Variants in PRICKLE2 observed in about 807,000 individuals in gnomAD.
PRICKLE2 encodes the protein prickle planar cell polarity protein 2, also known as prickle-like protein 2.
PRICKLE2 carries 21 observed loss-of-function variants against 81.4 expected under a neutral mutation model. The observed-to-expected ratio is 0.26, with a 90% CI of 0.18 to 0.37. PRICKLE2 has a LOEUF of 0.37. PRICKLE2 is among the 10% of genes least tolerant of loss of function. The pLI is 1.00. For synonymous variants in PRICKLE2, 456 were observed against 421.5 expected, an observed-to-expected ratio of 1.08 and a Z score of -1.00; for missense variants, 940 against 1,109.0, an observed-to-expected ratio of 0.85 and a Z score of 2.16.
At chr3:64,258,773 G>A (rs1333737206) in intron 2 of PRICKLE2, among the ~76,000 whole-genome samples, 1 of 137,652 alleles carries the variant, frequency 7.3e-6, no homozygotes, top group Non-Finnish European at 1.5e-5. Context: ...GCAGTGAGCC[G>A]AGATCATGCC....
intron 7 of PRICKLE2, among the ~76,000 whole-genome samples, chr3:64,138,976 AT>A (rs1386908133): frequency 6.6e-6 from 1 of 152,258 alleles, no homozygotes; most frequent in Non-Finnish European, 1.5e-5. Context: ...CCTTCCTTAA[AT>A]TAAATATAGA....
intron 7 of PRICKLE2, among the ~76,000 whole-genome samples, chr3:64,115,634 A>G (rs780657004): frequency 1.3e-5 from 2 of 152,246 alleles, no homozygotes; most frequent in Non-Finnish European, 2.9e-5. Context: ...GGTGGAATTC[A>G]GCAAGAAAAT....
chr3:64,144,884 G>A (rs987691626), intron 7 of PRICKLE2, among the ~76,000 whole-genome samples: 2 of 152,126 alleles, frequency 1.3e-5, no homozygotes, highest in African/African-American at 4.8e-5. Context: ...ACTGCTATAA[G>A]TTTCTAACAC....
At chr3:64,265,435 G>A (rs1391919254) in intron 2 of PRICKLE2, among the ~76,000 whole-genome samples, 2 of 152,164 alleles carry the variant, frequency 1.3e-5, no homozygotes, top group East Asian at 1.9e-4. Flanking sequence ...TTCACCTAGC[G>A]CTCTCCTACT....
intron 1 of PRICKLE2, among the ~76,000 whole-genome samples, chr3:64,218,836 G>A (rs1305053644): frequency 1.3e-5 from 2 of 152,042 alleles, no homozygotes; most frequent in African/African-American, 4.8e-5. Flanking sequence ...AGCATCCCAG[G>A]GGAGCTTGTT....
At position 64,224,927 on chromosome 3, in the gene PRICKLE2, T is replaced by C. The variant is rs908831302; in HGVS notation, c.-58A>G. The C allele has an allele frequency of 2.0e-6, 2 of 985,306 alleles. No individual in the cohort carries two copies. The highest frequency in any genetic ancestry group is 4.7e-5 in the South Asian group (1 of 21,280). The allele number at this position is 985,306 out of a possible 1,614,324, so 61.0% of individuals were successfully genotyped here. A position where few individuals can be genotyped will look rare whatever the true frequency, so the allele number is the denominator to read the frequency against. ...TTACCCACCTCCAGGGAGGATGAAA[T>C]GCCCAGTCTCGGAGGAAGCTTCTGC... is the stretch of plus-strand genomic sequence containing the variant. On this transcript the variant is annotated 5_prime_UTR_variant, in exon 1 of 8. Coordinates refer to ENST00000638394, the MANE Select transcript of PRICKLE2 (RefSeq NM_198859.4).
At position 64,099,531 on chromosome 3, in the gene PRICKLE2, G is replaced by C; in HGVS notation, c.2055C>G (p.His685Gln). Reference sequence around the variant, plus strand: ...GAGAGCGTCGGGAACGCCTGGACCTGTGAGGTCGGAAACGGCGGTTGTCGT... The same window carrying C: ...GAGAGCGTCGGGAACGCCTGGACCTCTGAGGTCGGAAACGGCGGTTGTCGT... ...SRDDNRRFRPHRSRRSRRSRS... is the reference protein window; with the variant it reads ...SRDDNRRFRPQRSRRSRRSRS... The change falls in exon 8 of 8, where the codon CAC (histidine) becomes CAG (glutamine). Residue 685 changes from histidine to glutamine, a missense_variant. Physicochemically the swap from His to Gln is conservative, Grantham distance 24 (BLOSUM62 0). Coordinates refer to ENST00000638394, the MANE Select transcript of PRICKLE2 (RefSeq NM_198859.4). The surrounding 1 kb of genome is among the most constrained non-coding windows in gnomAD (Gnocchi z 4.3). 6.2e-7 allele frequency: 1 copy of C among 1,608,894 alleles called. No homozygotes were observed. Among genetic ancestry groups the C allele is most frequent in the Non-Finnish European group, 8.5e-7 (1 of 1,175,678 alleles).
chr3:64,113,292 G>A (rs2076880250), intron 7 of PRICKLE2, among the ~76,000 whole-genome samples: 1 of 152,202 alleles, frequency 6.6e-6, no homozygotes, highest in African/African-American at 2.4e-5. Context: ...TTTAGCCCTA[G>A]AAGAACTGTT....
chr3:64,233,833 C>A (rs571449516), intron 2 of PRICKLE2, among the ~76,000 whole-genome samples: 2 of 152,180 alleles, frequency 1.3e-5, no homozygotes, highest in African/African-American at 4.8e-5. Context: ...AGTCACTCCC[C>A]ACTTGTCCCA....
In PRICKLE2 at chr3:64,099,548, G is replaced by A. The variant is rs779550133; in HGVS notation, c.2038C>T (p.Arg680Cys). 1.9e-6 allele frequency: 3 copies of A among 1,609,718 alleles called. No homozygotes were observed. The highest frequency in any genetic ancestry group is 1.3e-5 in the African/African-American group (1 of 74,862). Residue 680 changes from arginine (R) to cysteine (C), a missense_variant, in exon 8 of 8, where the codon CGC becomes TGC. This residue lies in a region of PRICKLE2 where 670 missense variants were observed against 717.2 expected (regional missense o/e 0.93). Coordinates refer to ENST00000638394, the MANE Select transcript of PRICKLE2 (RefSeq NM_198859.4). This position sits in a 1 kb window ranked among gnomAD's most constrained non-coding sequence, Gnocchi z 4.3. ...RRRATSRDDN[R>C]RFRPHRSRRS... ...CTGGACCTGTGAGGTCGGAAACGGC[G>A]GTTGTCGTCGCGTGAAGTAGCTCTT...
intron 2 of PRICKLE2, among the ~76,000 whole-genome samples, chr3:64,180,374 T>C (rs1202557398): frequency 1.3e-5 from 2 of 152,144 alleles, no homozygotes; most frequent in Non-Finnish European, 2.9e-5. Flanking sequence ...TTAAATACAT[T>C]CACATAGTTG....
At chr3:64,140,768 C>G (rs2077349027) in intron 7 of PRICKLE2, among the ~76,000 whole-genome samples, 1 of 152,178 alleles carries the variant, frequency 6.6e-6, no homozygotes, top group African/African-American at 2.4e-5. Context: ...GGCACATCAT[C>G]TTGGACTGCC....
intron 7 of PRICKLE2, among the ~76,000 whole-genome samples, chr3:64,112,951 A>C (rs1313262795): frequency 7.1e-6 from 1 of 140,224 alleles, no homozygotes; most frequent in Admixed American, 7.3e-5. Flanking sequence ...GGGCACTGAG[A>C]ATGGATGGAG....
intron 1 of PRICKLE2, among the ~76,000 whole-genome samples, chr3:64,224,496 C>T (rs1029241015): frequency 2.0e-5 from 3 of 152,196 alleles, no homozygotes; most frequent in African/African-American, 7.2e-5. Context: ...ACCTGGAAGT[C>T]TCAGCTGAGT....
chr3:64,253,618 G>C (rs1044443069), intron 2 of PRICKLE2, among the ~76,000 whole-genome samples: 1 of 152,136 alleles, frequency 6.6e-6, no homozygotes, highest in Non-Finnish European at 1.5e-5. Flanking sequence ...GAATACCTTC[G>C]ACATGCCTTA....
chr3:64,179,527 G>C lies in PRICKLE2; in HGVS notation c.145-16398C>G, dbSNP rs2078089676. Among the ~76,000 whole-genome samples the C allele has an allele frequency of 2.0e-5, 3 of 152,154 alleles. No homozygotes were observed. In the South Asian group the frequency reaches 6.2e-4, roughly 32 times the overall value. On this transcript the variant is annotated intron_variant, in intron 2 of 7. Coordinates refer to ENST00000638394, the MANE Select transcript of PRICKLE2 (RefSeq NM_198859.4). ...AAAAGTGGCCCTAAATAGACCACTTGTTTATTCAGTCTGTGAGCTGGAATA... is the reference window on the plus strand; with the variant it reads ...AAAAGTGGCCCTAAATAGACCACTTCTTTATTCAGTCTGTGAGCTGGAATA...
At chr3:64,169,021 A>C (rs929315957) in intron 2 of PRICKLE2, among the ~76,000 whole-genome samples, 2 of 151,994 alleles carry the variant, frequency 1.3e-5, no homozygotes, top group Admixed American at 1.3e-4. Flanking sequence ...CCCTCATTTG[A>C]CTGAGAGCAT....
chr3:64,193,555 C>T (rs1462015706), intron 2 of PRICKLE2, among the ~76,000 whole-genome samples: 4 of 152,230 alleles, frequency 2.6e-5, no homozygotes, highest in South Asian at 2.1e-4. Context: ...AAGTGGAGAG[C>T]GTCATCACAT....
intron 1 of PRICKLE2, among the ~76,000 whole-genome samples, chr3:64,217,001 G>A (rs368393952): frequency 1.3e-5 from 2 of 152,182 alleles, no homozygotes; most frequent in African/African-American, 4.8e-5. Flanking sequence ...TTTAAATGAA[G>A]TTCTGACTCT....
Sources: gnomAD v4.1 joint callset for allele counts (sites outside exome capture counted in the v4.1 genomes callset) on GRCh38, gnomAD v4.1.1 for gene constraint, gnomAD v4.1.1 regional missense constraint, Gnocchi (gnomAD v3.1) non-coding constraint, MANE v1.5 for transcripts, NCBI Gene and HGNC (gene_info 2026-07-23, HGNC 2026-07-21) for gene names.